Variants in CSRNP3 observed in about 807,000 individuals in gnomAD.
The protein encoded by CSRNP3 is cysteine and serine rich nuclear protein 3.
Under a neutral mutation model 48.0 loss-of-function variants are expected in CSRNP3, and 12 were observed. That is an observed-to-expected ratio of 0.25 (90% CI 0.16 to 0.41). The LOEUF is 0.41. Among genes scored for constraint, CSRNP3 ranks in the 10% least tolerant of loss-of-function variants. CSRNP3 has a pLI of 1.00. For missense variants in CSRNP3, 580 were observed against 724.4 expected, an observed-to-expected ratio of 0.80 and a Z score of 2.29; for synonymous variants, 263 against 269.7, an observed-to-expected ratio of 0.98 and a Z score of 0.24.
chr2:165,497,898 A>T lies in CSRNP3; in HGVS notation c.-113+2970A>T, dbSNP rs534619217. On this transcript the variant is annotated intron_variant, in intron 2 of 6. Transcript: ENST00000651982. ...AGTCAAAGATATGGCTGTAGCTTAT[A>T]TGCCAGCATCTCTTATAAATAGAAT... 2.8e-3 allele frequency among the ~76,000 whole-genome samples: 424 copies of T among 152,248 alleles called. 2 individuals carry two copies. Among genetic ancestry groups the T allele is most frequent in the African/African-American group, 9.8e-3 (408 of 41,582 alleles).
rs961550521 is a variant in CSRNP3, at chr2:165,687,723, T to A, written c.*7970T>A. ...GGGTCAGGAAAATGATTTAAAAATT[T>A]GTCTTCTTGACAAGGCCTGAAAACG... is the stretch of plus-strand genomic sequence containing the variant. On this transcript the variant is annotated 3_prime_UTR_variant, in exon 7 of 7. Coordinates refer to ENST00000651982, the MANE Select transcript of CSRNP3 (RefSeq NM_001172173.2). 1 of 152,060 alleles carries A rather than the reference T, an allele frequency of 6.6e-6. No homozygotes were observed. 9.4% of individuals were successfully genotyped at this position (152,060 alleles called of 1,614,324 possible). A position where few individuals can be genotyped will look rare whatever the true frequency, so the allele number is the denominator to read the frequency against.
intron 4 of CSRNP3, among the ~76,000 whole-genome samples, chr2:165,651,041 G>A (rs1050060106): frequency 6.6e-5 from 10 of 152,180 alleles, no homozygotes; most frequent in African/African-American, 1.9e-4. Context: ...AACAACAAGT[G>A]TACTTAAAGA....
intron 4 of CSRNP3, among the ~76,000 whole-genome samples, chr2:165,648,793 G>T (rs1015673563): frequency 6.6e-6 from 1 of 152,128 alleles, no homozygotes; most frequent in Non-Finnish European, 1.5e-5. Flanking sequence ...TGACATGAAG[G>T]CTGGAAGGTC....
intron 3 of CSRNP3, among the ~76,000 whole-genome samples, chr2:165,584,127 A>G: frequency 6.6e-6 from 1 of 152,276 alleles, no homozygotes; most frequent in East Asian, 1.9e-4. Context: ...AATCAATATT[A>G]TTATCTTTAA....
At chr2:165,471,369 A>T (rs969351527) in intron 1 of CSRNP3, among the ~76,000 whole-genome samples, 2 of 151,990 alleles carry the variant, frequency 1.3e-5, no homozygotes, top group African/African-American at 4.8e-5. Flanking sequence ...TCACCCCAAG[A>T]TTGAAATTCA....
At chr2:165,673,385 G>C (rs1687364057) in intron 5 of CSRNP3, among the ~76,000 whole-genome samples, 2 of 151,816 alleles carry the variant, frequency 1.3e-5, no homozygotes, top group African/African-American at 4.8e-5. Context: ...TGATCTGCCT[G>C]CCTCCGTCTA....
intron 4 of CSRNP3, among the ~76,000 whole-genome samples, chr2:165,598,931 A>C (rs1685854258): frequency 6.6e-6 from 1 of 152,072 alleles, no homozygotes; most frequent in African/African-American, 2.4e-5. Context: ...TTCTGCCTGG[A>C]ATATTTCTTG....
chr2:165,507,915 C>T (rs939923871), intron 2 of CSRNP3, among the ~76,000 whole-genome samples: 1 of 151,976 alleles, frequency 6.6e-6, no homozygotes, highest in Non-Finnish European at 1.5e-5. Flanking sequence ...CAGGGCAGCC[C>T]TAGCAACCAT....
Position 165,683,170 on chromosome 2 carries a change from G to A in CSRNP3, c.*3417G>A, listed in dbSNP as rs1201521250. 6.6e-6 allele frequency: 1 copy of A among 152,008 alleles called. No homozygotes were observed. Among genetic ancestry groups the A allele is most frequent in the Non-Finnish European group, 1.5e-5 (1 of 67,970 alleles). The allele number at this position is 152,008 out of a possible 1,614,324, so 9.4% of individuals were successfully genotyped here. On this transcript the variant is annotated 3_prime_UTR_variant, in exon 7 of 7. Transcript: ENST00000651982. ...TCTTGATCATTAATTATTAAGACATGGGTAAAATTCATTTGTCTCATGTCT... is the reference window on the plus strand; with the variant it reads ...TCTTGATCATTAATTATTAAGACATAGGTAAAATTCATTTGTCTCATGTCT...
At chr2:165,610,641 A>G (rs1686120616) in intron 4 of CSRNP3, among the ~76,000 whole-genome samples, 1 of 152,128 alleles carries the variant, frequency 6.6e-6, no homozygotes, top group South Asian at 2.1e-4. Context: ...AGAGTTGCTG[A>G]CGCTGTCATG....
intron 5 of CSRNP3, 105 bp downstream of exon 5, chr2:165,658,125 A>G (rs960090346): frequency 7.2e-6 from 9 of 1,248,176 alleles, no homozygotes; most frequent in Non-Finnish European, 7.7e-6. Context: ...GGCACTTTAC[A>G]TAACAGACTG....
At chr2:165,641,946 C>T (rs1354311442) in intron 4 of CSRNP3, among the ~76,000 whole-genome samples, 1 of 152,062 alleles carries the variant, frequency 6.6e-6, no homozygotes, top group Non-Finnish European at 1.5e-5. Flanking sequence ...TTATACCTTC[C>T]TTTTTACAGT....
rs535689388 is a variant in CSRNP3 at position 165,641,900 on chromosome 2, A to G, written c.149-15861A>G. ...TTGTTTCTCTTCTATCCAAGGAAAT[A>G]TAAACTCTTAAAATGTAGAGGGGAA... On this transcript the variant is annotated intron_variant, in intron 4 of 6. Coordinates refer to ENST00000651982, the MANE Select transcript of CSRNP3 (RefSeq NM_001172173.2). Among the ~76,000 whole-genome samples the G allele has an allele frequency of 9.2e-5, 14 of 152,328 alleles. No individual in the cohort carries two copies. In the East Asian group the frequency reaches 2.7e-3, roughly 29 times the overall value.
intron 1 of CSRNP3, among the ~76,000 whole-genome samples, chr2:165,477,179 A>G (rs543833216): frequency 1.3e-4 from 20 of 152,238 alleles, no homozygotes; most frequent in African/African-American, 4.8e-4. Flanking sequence ...CATAGATCTC[A>G]GAAATATAAT....
chr2:165,666,810 AAG>A (rs1687222493), intron 5 of CSRNP3, among the ~76,000 whole-genome samples: 2 of 143,054 alleles, frequency 1.4e-5, no homozygotes, highest in Admixed American at 1.4e-4. Flanking sequence ...GAGAGGAAGA[AAG>A]AAAGAGAGAG....
intron 4 of CSRNP3, among the ~76,000 whole-genome samples, chr2:165,654,066 G>C (rs1191431237): frequency 1.5e-5 from 2 of 134,258 alleles, no homozygotes; most frequent in Admixed American, 8.0e-5. Context: ...CTTTTTCCTT[G>C]TCTATAAATT....
intron 3 of CSRNP3, among the ~76,000 whole-genome samples, chr2:165,584,352 G>A (rs35810385): frequency 2.6e-5 from 4 of 152,044 alleles, no homozygotes; most frequent in African/African-American, 9.7e-5. Flanking sequence ...GAACCCCTCC[G>A]ACACAACTTC....
At chr2:165,575,835 C>T (rs1685441755) in intron 3 of CSRNP3, among the ~76,000 whole-genome samples, 2 of 151,896 alleles carry the variant, frequency 1.3e-5, no homozygotes, top group African/African-American at 4.8e-5. Flanking sequence ...TATCCAGGAT[C>T]CTGAGACTAA....
At chr2:165,567,705 A>G (rs947966261) in intron 3 of CSRNP3, among the ~76,000 whole-genome samples, 3 of 151,962 alleles carry the variant, frequency 2.0e-5, no homozygotes, top group Non-Finnish European at 2.9e-5. Flanking sequence ...TCTGTTTTTT[A>G]TCTTTGCATA....
Sources: allele counts gnomAD v4.1 joint callset (sites outside exome capture counted in the v4.1 genomes callset), GRCh38; gene constraint gnomAD v4.1.1; transcripts MANE v1.5; gene names NCBI Gene and HGNC (gene_info 2026-07-23, HGNC 2026-07-21).